Variants in TMEM62 observed in about 807,000 individuals in gnomAD.
TMEM62 encodes transmembrane protein 62.
TMEM62 carries 41 observed loss-of-function variants against 70.4 expected under a neutral mutation model. The ratio of observed to expected loss-of-function variants is 0.58; its 90% CI spans 0.45 to 0.76. TMEM62 has a LOEUF of 0.76. Among genes scored for constraint, TMEM62 ranks in the 30% least tolerant of loss-of-function variants. TMEM62 has a pLI of 0.00. For missense variants in TMEM62, 688 were observed against 788.5 expected, an observed-to-expected ratio of 0.87 and a Z score of 1.53; for synonymous variants, 268 against 291.0, an observed-to-expected ratio of 0.92 and a Z score of 0.80.
intron 11 of TMEM62, among the ~76,000 whole-genome samples, chr15:43,175,529 T>G (rs1218698711): frequency 6.6e-6 from 1 of 152,202 alleles, no homozygotes; most frequent in Non-Finnish European, 1.5e-5. Context: ...GGATCTGTGG[T>G]ACTGTAGACT....
At chr15:43,146,755 C>A in intron 5 of TMEM62, 121 bp downstream of exon 5, 1 of 955,980 alleles carries the variant, frequency 1.0e-6, no homozygotes, top group Non-Finnish European at 1.5e-6. Flanking sequence ...AGAAATTTAA[C>A]TTGGTTACAG....
chr15:43,170,616 T>C (rs1465638610), intron 11 of TMEM62, among the ~76,000 whole-genome samples: 3 of 152,176 alleles, frequency 2.0e-5, no homozygotes, highest in Non-Finnish European at 4.4e-5. Flanking sequence ...GGAAATTATC[T>C]TGATAATATG....
chr15:43,184,446 G>A lies in TMEM62; in HGVS notation c.1792G>A (p.Gly598Ser), dbSNP rs376587617. The change falls in exon 14 of 14, where the codon GGC becomes AGC. Residue 598 changes from glycine to serine, a missense_variant. Physicochemically the swap from Gly to Ser is moderately conservative, Grantham distance 56 (BLOSUM62 0). Coordinates refer to ENST00000260403, the MANE Select transcript of TMEM62 (RefSeq NM_024956.4). The stretch of plus-strand genomic sequence containing the variant: ...CTGCTACTTTCTTTATGCAACATAC[G>A]GCACCCTAGCTTTTTTATTCTCCCC... ...YSCYFLYATY[G>S]TLAFLFSPLR... 8 of 1,613,998 alleles carry A rather than the reference G, an allele frequency of 5.0e-6. No homozygotes were observed. The highest frequency in any genetic ancestry group is 4.0e-5 in the African/African-American group (3 of 74,908).
intron 3 of TMEM62, among the ~76,000 whole-genome samples, chr15:43,137,650 G>T (rs1436008094): frequency 6.6e-6 from 1 of 152,194 alleles, no homozygotes; most frequent in African/African-American, 2.4e-5. Flanking sequence ...GATGTGCACC[G>T]GGCTGTACTT....
In TMEM62 at chr15:43,149,102, T is replaced by C. The variant is rs1184081395; in HGVS notation, c.817T>C (p.Phe273Leu). 1.2e-6 allele frequency: 2 copies of C among 1,613,996 alleles called. No homozygotes were observed. The highest frequency in any genetic ancestry group is 3.3e-5 in the Admixed American group (2 of 59,996). Residue 273 changes from phenylalanine (F) to leucine (L), a missense_variant, in exon 7 of 14, where the codon TTC (phenylalanine) becomes CTC (leucine). By Grantham distance (22) the Phe-to-Leu change is conservative. Transcript: ENST00000260403. ...GATGCCTGTTTTGCACACTCGTCAC[T>C]TCCAGGGCACTTTGGAACTTGAGGT... Reference protein sequence around the residue: ...GLMPVLHTRHFQGTLELEVGD... With the variant: ...GLMPVLHTRHLQGTLELEVGD...
intron 13 of TMEM62, among the ~76,000 whole-genome samples, chr15:43,181,952 G>T (rs1233049705): frequency 6.6e-6 from 1 of 152,158 alleles, no homozygotes; most frequent in Non-Finnish European, 1.5e-5. Flanking sequence ...AACTGATTAT[G>T]ATGATGAAGA....
intron 9 of TMEM62, among the ~76,000 whole-genome samples, chr15:43,158,751 ATTC>A (rs2038326928): frequency 6.6e-6 from 1 of 152,244 alleles, no homozygotes; most frequent in East Asian, 1.9e-4. Context: ...TGCAAGATAA[ATTC>A]TTCTTTCCCC....
rs1371409480 is a variant in TMEM62, at chr15:43,167,158, C to G, written c.1297-2435C>G. 1.3e-4 allele frequency among the ~76,000 whole-genome samples: 19 copies of G among 148,120 alleles called. No homozygotes were observed. In the East Asian group the frequency reaches 3.6e-3, roughly 28 times the overall value. On this transcript the variant is annotated intron_variant, in intron 10 of 13. Coordinates refer to ENST00000260403, the MANE Select transcript of TMEM62 (RefSeq NM_024956.4). Reference sequence around the variant, plus strand: ...CTCCCGGACTGGGCGGCTGGCCAGGCGGGGGGCTGACCCCCCCACCTCCCT... The same window carrying G: ...CTCCCGGACTGGGCGGCTGGCCAGGGGGGGGGCTGACCCCCCCACCTCCCT...
intron 8 of TMEM62, 83 bp downstream of exon 8, chr15:43,152,028 C>T: frequency 9.8e-7 from 1 of 1,024,262 alleles, no homozygotes. Flanking sequence ...CATGTGAAAG[C>T]TATGAGATGC....
Position 43,169,652 on chromosome 15 carries a change from A to G in TMEM62, c.1356A>G (p.Arg452=), listed in dbSNP as rs2039979208. 3 of 1,613,910 alleles carry G rather than the reference A, an allele frequency of 1.9e-6. No individual in the cohort carries two copies. Among genetic ancestry groups the G allele is most frequent in the Non-Finnish European group, 8.5e-7 (1 of 1,179,980 alleles). ...LSQLTILIIF[R]YRGYPELKEP... Reference sequence around the variant, plus strand: ...AGCTCACCATTCTCATTATTTTTAGATATCGAGGATACCCAGAGCTTAAAG... The same window carrying G: ...AGCTCACCATTCTCATTATTTTTAGGTATCGAGGATACCCAGAGCTTAAAG... Residue 452 remains arginine (R), a synonymous_variant, in exon 11 of 14, where the codon AGA becomes AGG. Transcript: ENST00000260403.
chr15:43,134,133 T>C lies in TMEM62; in HGVS notation c.181-124T>C, dbSNP rs1567168538. 21 of 1,445,658 alleles carry C rather than the reference T, an allele frequency of 1.5e-5. No homozygotes were observed. The East Asian group carries it at 5.1e-4, about 35-fold the overall frequency. The allele number at this position is 1,445,658 out of a possible 1,614,324, so 89.6% of individuals were successfully genotyped here. On this transcript the variant is annotated intron_variant, in intron 1 of 13. Transcript: ENST00000260403. ...GTCTAGTGCTGGCCCTGTCCTTACC[T>C]GGGGGGTTCGTTATGCATTGCCTCT...
At chr15:43,181,525 A>G (rs1463407201) in intron 13 of TMEM62, among the ~76,000 whole-genome samples, 1 of 152,076 alleles carries the variant, frequency 6.6e-6, no homozygotes, top group African/African-American at 2.4e-5. Flanking sequence ...TTTCCCCAAG[A>G]CAGTGTTCTG....
At chr15:43,176,888 C>T (rs1475392828) in intron 11 of TMEM62, among the ~76,000 whole-genome samples, 5 of 151,966 alleles carry the variant, frequency 3.3e-5, no homozygotes, top group South Asian at 2.1e-4. Flanking sequence ...CAAACTACTC[C>T]GAGCTACAGG....
At chr15:43,134,486 A>G in intron 2 of TMEM62, 118 bp downstream of exon 2, 1 of 740,004 alleles carries the variant, frequency 1.4e-6, no homozygotes. Context: ...GCCCCAGGTG[A>G]GCTCTGTGAG....
chr15:43,144,979 C>T (rs1445774655), intron 4 of TMEM62, among the ~76,000 whole-genome samples: 1 of 150,552 alleles, frequency 6.6e-6, no homozygotes, highest in African/African-American at 2.4e-5. Flanking sequence ...AAATACCAAT[C>T]TGAAGAAAAA....
intron 2 of TMEM62, 87 bp downstream of exon 2, chr15:43,134,455 G>A: frequency 4.8e-6 from 5 of 1,039,956 alleles, no homozygotes; most frequent in Admixed American, 1.9e-5. Flanking sequence ...TTTTGGGGAC[G>A]TTGGGAGCAG....
At chr15:43,174,218 C>T (rs555527554) in intron 11 of TMEM62, among the ~76,000 whole-genome samples, 1 of 152,098 alleles carries the variant, frequency 6.6e-6, no homozygotes, top group African/African-American at 2.4e-5. Flanking sequence ...CAGCCCCCAG[C>T]ACCAAATTTG....
rs1359223955 is a variant in TMEM62 at position 43,134,241 on chromosome 15, T to TCTGATCAAAATCAGATCA, written c.181-16_181-15insCTGATCAAAATCAGATCA. 2.5e-6 allele frequency: 4 copies of TCTGATCAAAATCAGATCA among 1,610,912 alleles called. No individual in the cohort carries two copies. The East Asian group carries it at 6.7e-5, about 27-fold the overall frequency. ...TCCTGGCTCAGATCTCTCTGTTCAATACCTGTTTTCGGCAGATATCCGACA... is the reference window on the plus strand; with the variant it reads ...TCCTGGCTCAGATCTCTCTGTTCAATCTGATCAAAATCAGATCAACCTGTTTTCGGCAGATATCCGACA... On this transcript the variant is annotated splice_polypyrimidine_tract_variant and intron_variant, in intron 1 of 13. Transcript: ENST00000260403.
At chr15:43,159,525 T>G (rs1019765374) in intron 9 of TMEM62, among the ~76,000 whole-genome samples, 10 of 152,228 alleles carry the variant, frequency 6.6e-5, no homozygotes, top group Non-Finnish European at 8.8e-5. Flanking sequence ...TTATTTTACT[T>G]AACATAGTGG....
Sources: gnomAD v4.1 joint callset for allele counts (sites outside exome capture counted in the v4.1 genomes callset) on GRCh38, gnomAD v4.1.1 for gene constraint, MANE v1.5 for transcripts, NCBI Gene and HGNC (gene_info 2026-07-23, HGNC 2026-07-21) for gene names.